LPAR3: variants seen among roughly 807,000 people sequenced by gnomAD.
LPAR3 encodes the protein LPA receptor 3.
In LPAR3, 7 loss-of-function variants were observed where a neutral mutation model predicts 17.8. The ratio of observed to expected loss-of-function variants is 0.39; its 90% CI spans 0.22 to 0.74. The LOEUF (loss-of-function observed/expected upper bound fraction) is 0.74. Among genes scored for constraint, LPAR3 ranks in the 30% least tolerant of loss-of-function variants. The pLI is 0.40. For missense variants in LPAR3, 391 were observed against 453.4 expected (o/e 0.86, Z 1.25); for synonymous variants, 179 against 179.9 (o/e 0.99, Z 0.04).
intron 2 of LPAR3, among the ~76,000 whole-genome samples, chr1:84,832,750 G>A (rs1659312745): frequency 6.6e-6 from 1 of 152,128 alleles, no homozygotes; most frequent in Non-Finnish European, 1.5e-5. Flanking sequence ...CAGGTGGCTG[G>A]GCAGCTAGGG....
At chr1:84,891,421 C>A (rs568106227) in intron 1 of LPAR3, among the ~76,000 whole-genome samples, 126 of 152,314 alleles carry the variant, frequency 8.3e-4, no homozygotes, top group Non-Finnish European at 1.4e-3. Flanking sequence ...AAGCTTATCT[C>A]AAGTACACAA....
intron 2 of LPAR3, among the ~76,000 whole-genome samples, chr1:84,828,093 C>T (rs186558396): frequency 2.6e-5 from 4 of 152,076 alleles, no homozygotes; most frequent in Admixed American, 6.5e-5. Context: ...TGGACACTAC[C>T]GGGAAAACAC....
At chr1:84,817,680 A>G (rs1347158767) in intron 2 of LPAR3, among the ~76,000 whole-genome samples, 1 of 152,084 alleles carries the variant, frequency 6.6e-6, no homozygotes, top group Non-Finnish European at 1.5e-5. Context: ...CATAAAGATG[A>G]GATCAGCAGA....
intron 2 of LPAR3, among the ~76,000 whole-genome samples, chr1:84,863,066 T>A (rs1464022430): frequency 1.3e-5 from 2 of 152,074 alleles, no homozygotes; most frequent in Non-Finnish European, 2.9e-5. Context: ...CCTCCCTTTT[T>A]TTTTTTTTGG....
intron 2 of LPAR3, among the ~76,000 whole-genome samples, chr1:84,819,070 T>G (rs893407778): frequency 2.0e-5 from 3 of 152,240 alleles, no homozygotes; most frequent in Non-Finnish European, 2.9e-5. Context: ...AAGTATAAAG[T>G]TGGCCAGTGT....
At chr1:84,834,603 T>C (rs1195157167) in intron 2 of LPAR3, among the ~76,000 whole-genome samples, 1 of 152,236 alleles carries the variant, frequency 6.6e-6, no homozygotes, top group Non-Finnish European at 1.5e-5. Context: ...GCTTTCCTTT[T>C]CTTTGTATGT....
intron 1 of LPAR3, among the ~76,000 whole-genome samples, chr1:84,876,574 T>C (rs1378113236): frequency 6.6e-6 from 1 of 152,186 alleles, no homozygotes; most frequent in African/African-American, 2.4e-5. Context: ...TCCTTGCTGC[T>C]TCTAGCTCGG....
At chr1:84,854,607 T>G (rs749095298) in intron 2 of LPAR3, among the ~76,000 whole-genome samples, 11 of 152,192 alleles carry the variant, frequency 7.2e-5, no homozygotes, top group Non-Finnish European at 1.6e-4. Flanking sequence ...CAAGCACAGA[T>G]TCACAGTGCC....
chr1:84,838,224 A>G (rs1034115290), intron 2 of LPAR3, among the ~76,000 whole-genome samples: 2 of 152,144 alleles, frequency 1.3e-5, no homozygotes, highest in African/African-American at 4.8e-5. Context: ...CCCTGTGCCA[A>G]TACTCTAGCC....
chr1:84,882,194 A>G (rs902099663), intron 1 of LPAR3, among the ~76,000 whole-genome samples: 7 of 152,258 alleles, frequency 4.6e-5, no homozygotes, highest in African/African-American at 1.7e-4. Flanking sequence ...TGCACTAACA[A>G]CAAACAATCC....
rs549530905 is a variant in LPAR3 at position 84,817,828 on chromosome 1, A to G, written c.737-3657T>C. Among the ~76,000 whole-genome samples, 6 of 151,252 alleles carry G rather than the reference A, an allele frequency of 4.0e-5. No individual in the cohort carries two copies. In the South Asian group the frequency reaches 1.3e-3, roughly 32 times the overall value. On this transcript the variant is annotated intron_variant, in intron 2 of 2. Coordinates refer to ENST00000370611, the MANE Select transcript of LPAR3 (RefSeq NM_012152.3). ...AAAAAAAAAAAAAAATCTTTCCTTT[A>G]ACAACCAAAGAATGATGTAATTGTG...
chr1:84,867,414 G>A (rs1236445227), intron 1 of LPAR3, among the ~76,000 whole-genome samples: 1 of 152,180 alleles, frequency 6.6e-6, no homozygotes, highest in African/African-American at 2.4e-5. Flanking sequence ...TCTGGGAGCT[G>A]TGACAGTAAA....
intron 2 of LPAR3, among the ~76,000 whole-genome samples, chr1:84,850,393 CAAAAAAAAA>C (rs561506398): frequency 5.2e-5 from 2 of 38,742 alleles, no homozygotes; most frequent in African/African-American, 1.1e-4. Flanking sequence ...TCTGTCTCTA[CAAAAAAAAA>C]AAAAAAAAAA....
chr1:84,836,380 CATCTGTCATCA>C (rs1167708375), intron 2 of LPAR3, among the ~76,000 whole-genome samples: 2 of 148,400 alleles, frequency 1.3e-5, no homozygotes, highest in South Asian at 2.1e-4. Context: ...TTTTGCTGAG[CATCTGTCATCA>C]ATCTGTCATC....
At chr1:84,831,663 ACATAATGTGGTTT>A (rs1659285478) in intron 2 of LPAR3, among the ~76,000 whole-genome samples, 1 of 151,860 alleles carries the variant, frequency 6.6e-6, no homozygotes, top group Non-Finnish European at 1.5e-5. Context: ...TCAAACTATG[ACATAATGTGGTTT>A]CAATATATCT....
intron 2 of LPAR3, among the ~76,000 whole-genome samples, chr1:84,839,638 C>T (rs1659472126): frequency 6.6e-6 from 1 of 151,856 alleles, no homozygotes; most frequent in East Asian, 1.9e-4. Flanking sequence ...TGCACTCCAG[C>T]CTGGATGACA....
chr1:84,852,403 G>T (rs577135291), intron 2 of LPAR3, among the ~76,000 whole-genome samples: 9 of 152,066 alleles, frequency 5.9e-5, no homozygotes, highest in Non-Finnish European at 1.2e-4. Context: ...TTTTAGATTT[G>T]GTGATTAATT....
At chr1:84,882,189 TAAC>T in intron 1 of LPAR3, among the ~76,000 whole-genome samples, 1 of 152,182 alleles carries the variant, frequency 6.6e-6, no homozygotes, top group Admixed American at 6.5e-5. Flanking sequence ...TTCTATGCAC[TAAC>T]AACAAACAAT....
intron 2 of LPAR3, among the ~76,000 whole-genome samples, chr1:84,838,302 ATTCTTT>A (rs1424108288): frequency 1.3e-5 from 2 of 152,156 alleles, no homozygotes; most frequent in African/African-American, 4.8e-5. Context: ...TCCATGGTGG[ATTCTTT>A]CACAGATCAC....
Sources: allele counts gnomAD v4.1 joint callset (sites outside exome capture counted in the v4.1 genomes callset), GRCh38; gene constraint gnomAD v4.1.1; transcripts MANE v1.5; gene names NCBI Gene and HGNC (gene_info 2026-07-23, HGNC 2026-07-21).